Variants in CLCN3 observed in about 807,000 individuals in gnomAD.
CLCN3 encodes H(+)/Cl(-) exchange transporter 3.
Under a neutral mutation model 83.4 loss-of-function variants are expected in CLCN3, and 16 were observed. That is an observed-to-expected ratio of 0.19 (90% confidence interval 0.13 to 0.29). The LOEUF is 0.29. Ranked by LOEUF, CLCN3 falls within the 10% of genes least tolerant of loss-of-function variation. The pLI is 1.00. For missense variants in CLCN3, 544 were observed against 1,006.0 expected (o/e 0.54, Z 6.21); for synonymous variants, 322 against 346.2 (o/e 0.93, Z 0.78).
chr4:169,633,477 A>C (rs978154602), intron 1 of CLCN3, among the ~76,000 whole-genome samples: 1 of 151,088 alleles, frequency 6.6e-6, no homozygotes, highest in African/African-American at 2.5e-5. Context: ...GTTAGAGTCT[A>C]AATAGCCTTT....
At position 169,720,037 on chromosome 4, in the gene CLCN3, T is replaced by C; in HGVS notation, c.*40T>C. The C allele has an allele frequency of 6.2e-7, 1 of 1,612,856 alleles. No homozygotes were observed. On this transcript the variant is annotated 3_prime_UTR_variant, in exon 13 of 13. Transcript: ENST00000513761. ...GAGAGAGAAGAAACGGAAGAGGAAG[T>C]TTATTTGTTGAATAGCACAACTCTT...
chr4:169,698,471 A>G (rs1216470460), intron 9 of CLCN3, among the ~76,000 whole-genome samples: 1 of 151,774 alleles, frequency 6.6e-6, no homozygotes, highest in Non-Finnish European at 1.5e-5. Context: ...GCCTCAGGGA[A>G]TTGGATTTCT....
rs749137541 is a variant in CLCN3 at position 169,688,529 on chromosome 4, CTT to C, written c.419-512_419-511del. On this transcript the variant is annotated intron_variant, in intron 4 of 12. Coordinates refer to ENST00000513761, the MANE Select transcript of CLCN3 (RefSeq NM_001829.4). ...CTCTGTGTATGTAACCCACTGATCT[CTT>C]TATGTAAGAAGGACCCAGATTTGAC... 4.3e-4 allele frequency among the ~76,000 whole-genome samples: 66 copies of C among 152,184 alleles called. 1 individual carries two copies. In the South Asian group the frequency reaches 5.4e-3, roughly 12 times the overall value.
intron 2 of CLCN3, among the ~76,000 whole-genome samples, chr4:169,652,706 A>G (rs929685210): frequency 6.6e-6 from 1 of 152,198 alleles, no homozygotes; most frequent in African/African-American, 2.4e-5. Flanking sequence ...GTAGTGTTTC[A>G]GTATACATTC....
At chr4:169,703,873 G>T in intron 9 of CLCN3, 125 bp from the exon 10 acceptor site, 5 of 893,838 alleles carry the variant, frequency 5.6e-6, no homozygotes, top group Non-Finnish European at 8.5e-6. Context: ...ATTTGTACTA[G>T]GATTTTGCTA....
rs947620010 is a variant in CLCN3, at chr4:169,722,057, A to G, written c.*2060A>G. ...TGGTCTCAACTCCTCAGCTCAAGCA[A>G]TCTGCCTGCGTGAGCCTCCCAAAGT... On this transcript the variant is annotated 3_prime_UTR_variant, in exon 13 of 13. Transcript: ENST00000513761. 8 of 152,326 alleles carry G rather than the reference A, an allele frequency of 5.3e-5. No homozygotes were observed. Among genetic ancestry groups the G allele is most frequent in the Admixed American group, 1.3e-4 (2 of 15,294 alleles). 9.4% of individuals were successfully genotyped at this position (152,326 alleles called of 1,614,324 possible).
intron 12 of CLCN3, chr4:169,717,774 CATA>C (rs1231290112): frequency 6.6e-7 from 1 of 1,515,162 alleles, no homozygotes; most frequent in Non-Finnish European, 9.2e-7. Context: ...CAGTTATTAG[CATA>C]ATAATCTGTT....
At chr4:169,694,036 A>C (rs532310406) in intron 7 of CLCN3, among the ~76,000 whole-genome samples, 1 of 152,210 alleles carries the variant, frequency 6.6e-6, no homozygotes, top group Non-Finnish European at 1.5e-5. Flanking sequence ...CCTAGGTGTT[A>C]GTTTGGTTGT....
chr4:169,672,703 A>G (rs1423029853), intron 2 of CLCN3, among the ~76,000 whole-genome samples: 1 of 152,056 alleles, frequency 6.6e-6, no homozygotes, highest in Non-Finnish European at 1.5e-5. Context: ...TTGCTCTGTC[A>G]CCCAGGCTAG....
At chr4:169,624,778 A>G (rs939554047) in intron 1 of CLCN3, among the ~76,000 whole-genome samples, 72 of 152,126 alleles carry the variant, frequency 4.7e-4, no homozygotes, top group African/African-American at 1.6e-3. Flanking sequence ...TTATGTTGAA[A>G]TTCCTTTTCA....
In CLCN3 at chr4:169,631,636, T is replaced by C. The variant is rs72694738; in HGVS notation, c.-16-4277T>C. On this transcript the variant is annotated intron_variant, in intron 1 of 12. Coordinates refer to ENST00000513761, the MANE Select transcript of CLCN3 (RefSeq NM_001829.4). ...GTTGTTTTTTGCTTGTTGAATTGTT[T>C]GCTTCTTGTAGATTGTAGATATTAG... Among the ~76,000 whole-genome samples the C allele has an allele frequency of 4.2e-3, 639 of 152,304 alleles. 7 individuals carry two copies. The highest frequency in any genetic ancestry group is 0.036 in the South Asian group (172 of 4,830).
At chr4:169,672,942 CG>C (rs1731534131) in intron 2 of CLCN3, among the ~76,000 whole-genome samples, 1 of 152,138 alleles carries the variant, frequency 6.6e-6, no homozygotes, top group South Asian at 2.1e-4. Context: ...GGATTACAAG[CG>C]GGAGCCACCG....
At position 169,706,920 on chromosome 4, in the gene CLCN3, T is replaced by C; in HGVS notation, c.1803T>C (p.Thr601=). ...TGGTGGTTATTGTTTTTGAGCTTAC[T>C]GGAGGCTTGGAATATATTGTTCCCC... The part of the protein sequence containing the change: ...VSLVVIVFEL[T]GGLEYIVPLM... The change falls in exon 11 of 13, where the codon ACT becomes ACC. Residue 601 remains threonine, a synonymous_variant. Coordinates refer to ENST00000513761, the MANE Select transcript of CLCN3 (RefSeq NM_001829.4). The C allele has an allele frequency of 1.9e-6, 3 of 1,614,150 alleles. No homozygotes were observed. The highest frequency in any genetic ancestry group is 2.5e-6 in the Non-Finnish European group (3 of 1,179,982).
chr4:169,710,049 A>AAAAC (rs1426423823), intron 11 of CLCN3, among the ~76,000 whole-genome samples: 3 of 152,198 alleles, frequency 2.0e-5, no homozygotes, highest in Admixed American at 6.5e-5. Flanking sequence ...CCCTGTCTCT[A>AAAAC]AAACAAACAA....
At chr4:169,664,165 G>A (rs1262679882) in intron 2 of CLCN3, among the ~76,000 whole-genome samples, 2 of 152,218 alleles carry the variant, frequency 1.3e-5, no homozygotes, top group Non-Finnish European at 2.9e-5. Context: ...GGGTAGTGTA[G>A]AAAGGTGGAA....
intron 1 of CLCN3, among the ~76,000 whole-genome samples, chr4:169,624,142 CT>C (rs549474531): frequency 1.3e-5 from 2 of 151,488 alleles, no homozygotes; most frequent in South Asian, 2.1e-4. Context: ...ATAGTAGTGA[CT>C]TTTTTTTTGA....
intron 1 of CLCN3, among the ~76,000 whole-genome samples, chr4:169,629,275 A>G (rs1773308783): frequency 7.6e-6 from 1 of 132,080 alleles, no homozygotes; most frequent in African/African-American, 2.8e-5. Flanking sequence ...AAAGATATAC[A>G]GGATTTTTTT....
At chr4:169,692,713 T>C (rs1732417097) in intron 7 of CLCN3, among the ~76,000 whole-genome samples, 1 of 152,206 alleles carries the variant, frequency 6.6e-6, no homozygotes, top group Admixed American at 6.5e-5. Context: ...CTGGAGGCAG[T>C]GTCTGGTGCC....
intron 2 of CLCN3, among the ~76,000 whole-genome samples, chr4:169,673,393 C>CCTCATAAAATTTTATT (rs1731553013): frequency 6.6e-6 from 1 of 152,316 alleles, no homozygotes; most frequent in African/African-American, 2.4e-5. Context: ...CCTTTTTCTA[C>CCTCATAAAATTTTATT]CTCATAAAAA....
Sources: allele counts gnomAD v4.1 joint callset (sites outside exome capture counted in the v4.1 genomes callset), GRCh38; gene constraint gnomAD v4.1.1; transcripts MANE v1.5; gene names NCBI Gene and HGNC (gene_info 2026-07-23, HGNC 2026-07-21).